CMC2: variants seen among roughly 807,000 people sequenced by gnomAD.
The protein encoded by CMC2 is COX assembly mitochondrial protein 2 homolog.
In CMC2, 5 loss-of-function variants were observed where a neutral mutation model predicts 7.5. The ratio of observed to expected loss-of-function variants is 0.66; its 90% CI spans 0.35 to 1.40. The LOEUF (loss-of-function observed/expected upper bound fraction) is 1.40, where lower values mean the gene tolerates loss of function less well. CMC2 is among the 40% of genes most tolerant of loss of function. The probability of loss-of-function intolerance (pLI) is 0.04; values close to 1 mark genes in which losing one functional copy is unlikely to be tolerated. For missense variants in CMC2, 115 were observed against 92.3 expected, an observed-to-expected ratio of 1.25 and a Z score of -1.01; for synonymous variants, 37 against 31.4, an observed-to-expected ratio of 1.18 and a Z score of -0.60.
At chr16:81,004,863 T>C (rs368191923) in intron 1 of CMC2, among the ~76,000 whole-genome samples, 1 of 152,222 alleles carries the variant, frequency 6.6e-6, no homozygotes, top group African/African-American at 2.4e-5. Flanking sequence ...CAGCGCTGTA[T>C]TAACTCTAGT....
chr16:80,990,439 G>A (rs1272904902), intron 2 of CMC2, among the ~76,000 whole-genome samples: 1 of 152,096 alleles, frequency 6.6e-6, no homozygotes, highest in African/African-American at 2.4e-5. Context: ...CAAAGTGCTG[G>A]GATTACAGGC....
At chr16:80,996,613 A>C (rs1286020892) in intron 2 of CMC2, among the ~76,000 whole-genome samples, 2 of 152,236 alleles carry the variant, frequency 1.3e-5, no homozygotes, top group Admixed American at 6.5e-5. Flanking sequence ...TTTAAGTGAT[A>C]CTTTATATTA....
In CMC2 at chr16:80,984,986, A is replaced by G. The variant is rs576052944; in HGVS notation, c.82-3109T>C. On this transcript the variant is annotated intron_variant, in intron 2 of 3. Transcript: ENST00000219400. ...AGTGCCTGGTGTCAATTTCTTGAGAACCAAACCAACCGAGTAACTGATTGA... is the reference window on the plus strand; with the variant it reads ...AGTGCCTGGTGTCAATTTCTTGAGAGCCAAACCAACCGAGTAACTGATTGA... Among the ~76,000 whole-genome samples, 6 of 152,312 alleles carry G rather than the reference A, an allele frequency of 3.9e-5. No individual in the cohort carries two copies. In the East Asian group the frequency reaches 1.2e-3, roughly 29 times the overall value.
Position 80,967,668 on chromosome 16 carries a change from G to A in CMC2, c.*8425C>T, listed in dbSNP as rs896245197. 2.0e-5 allele frequency: 3 copies of A among 152,174 alleles called. No homozygotes were observed. The highest frequency in any genetic ancestry group is 2.9e-5 in the Non-Finnish European group (2 of 68,028). 9.4% of individuals were successfully genotyped at this position (152,174 alleles called of 1,614,324 possible). On this transcript the variant is annotated 3_prime_UTR_variant, in exon 4 of 4. Transcript: ENST00000219400. ...TCGTACTTTTCAATATTTGTAGCAA[G>A]TCCAATCATTAGCTCAATAATCCAA...
At chr16:80,985,351 G>A (rs1266581664) in intron 2 of CMC2, among the ~76,000 whole-genome samples, 1 of 152,186 alleles carries the variant, frequency 6.6e-6, no homozygotes, top group Admixed American at 6.5e-5. Flanking sequence ...CAGATTGAAT[G>A]TAGAGGCAGA....
chr16:80,995,456 G>C (rs1374778865), intron 2 of CMC2, among the ~76,000 whole-genome samples: 1 of 152,058 alleles, frequency 6.6e-6, no homozygotes. Context: ...AGGAGTTCGA[G>C]ACCAGCCTGC....
intron 1 of CMC2, among the ~76,000 whole-genome samples, chr16:81,004,239 G>C (rs546228426): frequency 1.3e-5 from 2 of 151,958 alleles, no homozygotes; most frequent in East Asian, 3.9e-4. Flanking sequence ...TAATAATTAT[G>C]AACATCAGCA....
intron 2 of CMC2, chr16:80,991,985 A>C (rs1283200664): frequency 4.4e-6 from 2 of 455,068 alleles, no homozygotes; most frequent in Admixed American, 4.7e-5. Context: ...CATTAGGTAA[A>C]CACTAACCTG....
chr16:80,981,696 T>G, intron 3 of CMC2, 110 bp downstream of exon 3: 1 of 671,556 alleles, frequency 1.5e-6, no homozygotes, highest in Non-Finnish European at 2.5e-6. Context: ...AAAGTCAATT[T>G]TCTGTTACAC....
At chr16:80,977,635 C>T (rs557029296) in intron 3 of CMC2, among the ~76,000 whole-genome samples, 1 of 152,324 alleles carries the variant, frequency 6.6e-6, no homozygotes, top group African/African-American at 2.4e-5. Context: ...AGTTACTTCA[C>T]TCTTCTGGAC....
intron 2 of CMC2, among the ~76,000 whole-genome samples, chr16:80,985,983 G>C (rs1967499421): frequency 6.6e-6 from 1 of 151,196 alleles, no homozygotes; most frequent in African/African-American, 2.4e-5. Flanking sequence ...TCAAGGATGA[G>C]TTTCATTAAG....
rs1967812129 is a variant in CMC2 at position 80,989,569 on chromosome 16, T to C, written c.82-7692A>G. Among the ~76,000 whole-genome samples the C allele has an allele frequency of 2.0e-5, 3 of 152,198 alleles. No individual in the cohort carries two copies. The South Asian group carries it at 6.2e-4, about 32-fold the overall frequency. The stretch of plus-strand genomic sequence containing the variant: ...CCAGCCCTAGCCCTACAATCAGTCA[T>C]TTCTCCAAGGATCCCTGTTTCTGTT... On this transcript the variant is annotated intron_variant, in intron 2 of 3. Transcript: ENST00000219400.
At chr16:80,982,172 A>C (rs1216522300) in intron 2 of CMC2, 1 of 223,328 alleles carries the variant, frequency 4.5e-6, no homozygotes, top group East Asian at 1.0e-4. Context: ...GAAATATCAA[A>C]AAAATTTAAG....
Position 80,981,065 on chromosome 16 carries a change from C to A in CMC2, c.153+741G>T, listed in dbSNP as rs1401306459. ...ACAACTTCAAATATTATATTTAAAT[C>A]TTTCAATATGAGGCAAAAAAAAAAA... On this transcript the variant is annotated intron_variant, in intron 3 of 3. Coordinates refer to ENST00000219400, the MANE Select transcript of CMC2 (RefSeq NM_020188.5). 3.5e-5 allele frequency among the ~76,000 whole-genome samples: 5 copies of A among 144,684 alleles called. No individual in the cohort carries two copies. The East Asian group carries it at 8.2e-4, about 24-fold the overall frequency. 94.9% of individuals were successfully genotyped at this position (144,684 alleles called of 152,430 possible). A position where few individuals can be genotyped will look rare whatever the true frequency, so the allele number is the denominator to read the frequency against.
At chr16:80,995,813 A>G (rs1184802959) in intron 2 of CMC2, among the ~76,000 whole-genome samples, 1 of 152,352 alleles carries the variant, frequency 6.6e-6, no homozygotes, top group East Asian at 1.9e-4. Flanking sequence ...AAACTGATAG[A>G]AATGTTTTAG....
At position 80,967,108 on chromosome 16, in the gene CMC2, T is replaced by A. The variant is rs1252035528; in HGVS notation, c.*8985A>T. The A allele has an allele frequency of 6.6e-6, 1 of 152,198 alleles. No homozygotes were observed. Among genetic ancestry groups the A allele is most frequent in the African/African-American group, 2.4e-5 (1 of 41,448 alleles). The allele number at this position is 152,198 out of a possible 1,614,324, so 9.4% of individuals were successfully genotyped here. On this transcript the variant is annotated 3_prime_UTR_variant, in exon 4 of 4. Coordinates refer to ENST00000219400, the MANE Select transcript of CMC2 (RefSeq NM_020188.5). ...AATACCAATTATGTGTTAACCACTG[T>A]CCTAAGAGCTGCAGATACAGGAATA...
chr16:80,980,815 A>T (rs1309591354), intron 3 of CMC2: 2 of 700,102 alleles, frequency 2.9e-6, no homozygotes, highest in Non-Finnish European at 5.2e-6. Flanking sequence ...GGATCACTTG[A>T]GTTTGAGGCT....
intron 3 of CMC2, among the ~76,000 whole-genome samples, chr16:80,979,883 G>A (rs1353818900): frequency 6.6e-6 from 1 of 152,042 alleles, no homozygotes; most frequent in Non-Finnish European, 1.5e-5. Context: ...TGGCCTCTCA[G>A]AATGCTGGGA....
Position 80,967,203 on chromosome 16 carries a change from A to G in CMC2, c.*8890T>C, listed in dbSNP as rs914145027. ...TCTACACATAACCTGAATTCCATGT[A>G]TCATGAACTTGCTCATAAATTATCT... On this transcript the variant is annotated 3_prime_UTR_variant, in exon 4 of 4. Transcript: ENST00000219400. 8.5e-5 allele frequency: 13 copies of G among 152,278 alleles called. No individual in the cohort carries two copies. Among genetic ancestry groups the G allele is most frequent in the Admixed American group, 2.0e-4 (3 of 15,286 alleles). 9.4% of individuals were successfully genotyped at this position (152,278 alleles called of 1,614,324 possible).
Sources: gnomAD v4.1 joint callset for allele counts (sites outside exome capture counted in the v4.1 genomes callset) on GRCh38, gnomAD v4.1.1 for gene constraint, MANE v1.5 for transcripts, NCBI Gene and HGNC (gene_info 2026-07-23, HGNC 2026-07-21) for gene names.